FCHSD1: variants seen among roughly 807,000 people sequenced by gnomAD.
The protein encoded by FCHSD1 is FCH and double SH3 domains 1, also known as F-BAR and double SH3 domains protein 1.
In FCHSD1, 109 loss-of-function variants were observed where a neutral mutation model predicts 101.3. The ratio of observed to expected loss-of-function variants is 1.08; its 90% CI spans 0.92 to 1.26. The LOEUF (loss-of-function observed/expected upper bound fraction) is 1.26. FCHSD1 is among the 50% of genes most tolerant of loss of function. The pLI, the probability that FCHSD1 is intolerant of heterozygous loss-of-function variation, is 0.00. For missense variants in FCHSD1, 820 were observed against 895.8 expected, an observed-to-expected ratio of 0.92 and a Z score of 1.08; for synonymous variants, 291 against 356.8, an observed-to-expected ratio of 0.82 and a Z score of 2.08.
At chr5:141,643,786 T>TGCGGTGAGCTGAGATC (rs1210319764) in intron 17 of FCHSD1, among the ~76,000 whole-genome samples, 1 of 150,228 alleles carries the variant, frequency 6.7e-6, no homozygotes, top group African/African-American at 2.5e-5. Flanking sequence ...AGGCAGAGGT[T>TGCGGTGAGCTGAGATC]GCGGTGAGCT....
intron 7 of FCHSD1, among the ~76,000 whole-genome samples, chr5:141,648,325 C>G (rs2099907921): frequency 6.6e-6 from 1 of 152,214 alleles, no homozygotes; most frequent in Admixed American, 6.5e-5. Flanking sequence ...CCACCACGTT[C>G]AATATGAGCT....
intron 13 of FCHSD1, 49 bp from the exon 14 acceptor site, chr5:141,645,197 G>T: frequency 6.6e-7 from 1 of 1,512,602 alleles, no homozygotes; most frequent in Non-Finnish European, 8.8e-7. Flanking sequence ...CTCAAGCACT[G>T]GTTCTATCTC....
intron 10 of FCHSD1, 58 bp from the exon 11 acceptor site, chr5:141,646,780 C>A: frequency 6.3e-7 from 1 of 1,578,050 alleles, no homozygotes; most frequent in South Asian, 1.1e-5. Flanking sequence ...CTCTCCAGTT[C>A]CCTCCTTTTT....
intron 18 of FCHSD1, chr5:141,642,280 A>G (rs1366377172): frequency 1.2e-5 from 7 of 580,088 alleles, no homozygotes; most frequent in Middle Eastern, 4.5e-4. Context: ...GTTCTCACTT[A>G]TAAGTGGGAG....
rs983562263 is a variant in FCHSD1, at chr5:141,641,580, G to T, written c.2008-17C>A. 3.8e-6 allele frequency: 6 copies of T among 1,578,124 alleles called. No homozygotes were observed. The Admixed American group carries it at 1.1e-4, about 28-fold the overall frequency. ...TGGACGCATCTGTAGGGAACACACA[G>T]TTAGTGCTCCAGAGTTCTCCCTTAA... On this transcript the variant is annotated splice_polypyrimidine_tract_variant and intron_variant, in intron 19 of 19. Transcript: ENST00000435817.
chr5:141,650,473 A>G, intron 2 of FCHSD1, 69 bp from the exon 3 acceptor site: 1 of 1,602,644 alleles, frequency 6.2e-7, no homozygotes, highest in Non-Finnish European at 8.5e-7. Context: ...TCCCATCCTC[A>G]GTCCTCTACT....
chr5:141,646,730 G>C lies in FCHSD1; in HGVS notation c.925-8C>G, dbSNP rs781472296. ...CCACTCCAGGACACACACCTGAATG[G>C]GTCAGGGGGTGCTGTGAGGAGGACC... On this transcript the variant is annotated splice_region_variant and splice_polypyrimidine_tract_variant and intron_variant, in intron 10 of 19. Transcript: ENST00000435817. The C allele has an allele frequency of 1.3e-5, 21 of 1,611,288 alleles. No homozygotes were observed. The highest frequency in any genetic ancestry group is 1.7e-5 in the Non-Finnish European group (20 of 1,179,396).
chr5:141,641,615 T>C (rs760297967), intron 19 of FCHSD1, 52 bp from the exon 20 acceptor site: 39 of 1,604,156 alleles, frequency 2.4e-5, no homozygotes, highest in Non-Finnish European at 3.3e-5. Context: ...AGGGTATCCC[T>C]GTCTATTCCC....
rs117633393 is a variant in FCHSD1 at position 141,645,170 on chromosome 5, C to T, written c.1312-22G>A. 6.3e-4 allele frequency: 962 copies of T among 1,522,718 alleles called. 8 individuals carry two copies. The East Asian group carries it at 0.015, about 24-fold the overall frequency. The allele number at this position is 1,522,718 out of a possible 1,614,324, so 94.3% of individuals were successfully genotyped here. The stretch of plus-strand genomic sequence containing the variant: ...CAGCCTAGAGGGGCAAAGAACAGAC[C>T]TCATATGGGGCCCACTCTCAAGCAC... On this transcript the variant is annotated intron_variant, in intron 13 of 19. Coordinates refer to ENST00000435817, the MANE Select transcript of FCHSD1 (RefSeq NM_033449.3).
rs372901612 is a variant in FCHSD1 at position 141,644,687 on chromosome 5, G to C, written c.1528C>G (p.Arg510Gly). ...EGDADEWVKA[R>G]NQHGEVGFVP... ...AAGCCTACCTCGCCGTGCTGGTTCC[G>C]AGCCTGCTCACCCAGCAATGTGAAC... Residue 510 changes from arginine (R) to glycine (G), a missense_variant, in exon 16 of 20, where the codon CGG (arginine) becomes GGG (glycine). Arg to Gly is a moderately radical substitution (Grantham distance 125). Transcript: ENST00000435817. The C allele has an allele frequency of 7.4e-6, 12 of 1,613,760 alleles. No homozygotes were observed. The Admixed American group carries it at 1.0e-4, about 13-fold the overall frequency.
At chr5:141,644,071 C>A (rs891437780) in intron 17 of FCHSD1, 147 bp downstream of exon 17, 2 of 762,946 alleles carry the variant, frequency 2.6e-6, no homozygotes, top group Non-Finnish European at 4.2e-6. Context: ...CTTTTCCCTG[C>A]CCCCCCATAG....
At position 141,641,312 on chromosome 5, in the gene FCHSD1, T is replaced by TG. The variant is rs1267978354; in HGVS notation, c.*185dup. On this transcript the variant is annotated 3_prime_UTR_variant, in exon 20 of 20. Transcript: ENST00000435817. ...TCCGGTCCTAGAGATGATAGAACAA[T>TG]GGGAAAAAAAGGAGTGGGTTCCAGC... is the stretch of plus-strand genomic sequence containing the variant. The TG allele has an allele frequency of 3.5e-5, 18 of 515,934 alleles. No homozygotes were observed. In the South Asian group the frequency reaches 4.6e-4, roughly 13 times the overall value. 32.0% of individuals were successfully genotyped at this position (515,934 alleles called of 1,614,324 possible).
chr5:141,639,668 G>T lies in FCHSD1; in HGVS notation c.*1830C>A. On this transcript the variant is annotated 3_prime_UTR_variant, in exon 20 of 20. Transcript: ENST00000435817. This position sits in a 1 kb window ranked among gnomAD's most constrained non-coding sequence, Gnocchi z 4.4. ...TGGGCAGGTGGGGCAGGTGCTCCAG[G>T]GAAAGGGGGGCTGAGGTAGGGGGCC... The T allele has an allele frequency of 6.3e-7, 1 of 1,584,684 alleles. No homozygotes were observed. The highest frequency in any genetic ancestry group is 1.1e-5 in the South Asian group (1 of 88,996).
At position 141,640,489 on chromosome 5, in the gene FCHSD1, T is replaced by C. The variant is rs2099906725; in HGVS notation, c.*1009A>G. On this transcript the variant is annotated 3_prime_UTR_variant, in exon 20 of 20. Transcript: ENST00000435817. ...TAAATGAGGTAATCTCATCTTCCCATCACCTACTTAAACTATTTAAGCCTT... is the reference window on the plus strand; with the variant it reads ...TAAATGAGGTAATCTCATCTTCCCACCACCTACTTAAACTATTTAAGCCTT... 2 of 1,614,082 alleles carry C rather than the reference T, an allele frequency of 1.2e-6. No homozygotes were observed. Among genetic ancestry groups the C allele is most frequent in the South Asian group, 2.2e-5 (2 of 91,080 alleles).
At position 141,646,615 on chromosome 5, in the gene FCHSD1, G is replaced by T. The variant is rs3749760; in HGVS notation, c.1032C>A (p.Asn344Lys). The change falls in exon 11 of 20, where the codon AAC becomes AAA. Residue 344 changes from asparagine to lysine, a missense_variant. Coordinates refer to ENST00000435817, the MANE Select transcript of FCHSD1 (RefSeq NM_033449.3). ...SRAARDYKIQ[N>K]HGHRVLQRLE... ...CCCCCCACCTCACCCGATGCCCATG[G>T]TTCTGGATCTTGTAGTCACGGGCAG... 0.017 allele frequency: 27,601 copies of T among 1,612,870 alleles called. 291 individuals carry two copies. Among genetic ancestry groups the T allele is most frequent in the East Asian group, 0.031 (1,372 of 44,858 alleles).
chr5:141,639,998 C>T lies in FCHSD1; in HGVS notation c.*1500G>A, dbSNP rs1283413669. The T allele has an allele frequency of 1.9e-6, 3 of 1,613,498 alleles. No individual in the cohort carries two copies. Among genetic ancestry groups the T allele is most frequent in the East Asian group, 2.2e-5 (1 of 44,882 alleles). Reference sequence around the variant, plus strand: ...GCTCCCCCACAGACAGGAGCTGGGGCTCTGGTGGGGGACAGGACCCAGGGG... The same window carrying T: ...GCTCCCCCACAGACAGGAGCTGGGGTTCTGGTGGGGGACAGGACCCAGGGG... On this transcript the variant is annotated 3_prime_UTR_variant, in exon 20 of 20. Transcript: ENST00000435817. This position sits in a 1 kb window ranked among gnomAD's most constrained non-coding sequence, Gnocchi z 4.4.
chr5:141,650,094 A>T, intron 3 of FCHSD1, 140 bp from the exon 4 acceptor site: 3 of 924,318 alleles, frequency 3.2e-6, no homozygotes, highest in South Asian at 1.8e-5. Context: ...TATAGTCATT[A>T]ATTTGTTTAA....
At chr5:141,650,528 T>C (rs2099908248) in intron 2 of FCHSD1, 124 bp from the exon 3 acceptor site, 2 of 1,050,156 alleles carry the variant, frequency 1.9e-6, no homozygotes, top group South Asian at 2.6e-5. Context: ...TCCTAGAGTG[T>C]AACTACACCC....
rs1345305757 is a variant in FCHSD1, at chr5:141,649,916, T to C, written c.204A>G (p.Glu68=). 6.4e-7 allele frequency: 1 copy of C among 1,550,946 alleles called. No individual in the cohort carries two copies. Among genetic ancestry groups the C allele is most frequent in the Non-Finnish European group, 8.7e-7 (1 of 1,147,960 alleles). Residue 68 remains glutamate, a synonymous_variant, in exon 4 of 20, where the codon GAA becomes GAG. Coordinates refer to ENST00000435817, the MANE Select transcript of FCHSD1 (RefSeq NM_033449.3). The surrounding 1 kb of genome is among the most constrained non-coding windows in gnomAD (Gnocchi z 4.1). The stretch of plus-strand genomic sequence containing the variant: ...TGTCCATCTCACCGCTCCGGTGCCC[T>C]TCCCTCTTCAGGAATGGGCCAGCCA... ...QKLAGPFLKR[E]GHRSGEMDSR...
Sources: gnomAD v4.1 joint callset for allele counts (sites outside exome capture counted in the v4.1 genomes callset) on GRCh38, gnomAD v4.1.1 for gene constraint, Gnocchi (gnomAD v3.1) non-coding constraint, MANE v1.5 for transcripts, NCBI Gene and HGNC (gene_info 2026-07-23, HGNC 2026-07-21) for gene names.